The following SULT1E1 variants were observed in gnomAD, a reference collection of about 807,000 sequenced individuals.
SULT1E1 encodes sulfotransferase family 1E member 1.
SULT1E1 carries 36 observed loss-of-function variants against 33.6 expected under a neutral mutation model. That is an observed-to-expected ratio of 1.07 (90% CI 0.82 to 1.41). SULT1E1 has a LOEUF of 1.41. Among genes scored for constraint, SULT1E1 ranks in the 40% most tolerant of loss-of-function variants. The pLI, the probability that SULT1E1 is intolerant of heterozygous loss-of-function variation, is 0.00. For synonymous variants in SULT1E1, 121 were observed against 111.7 expected (o/e 1.08, Z -0.53); for missense variants, 371 against 345.7 (o/e 1.07, Z -0.58).
At chr4:69,847,590 G>T in intron 6 of SULT1E1, 108 bp downstream of exon 6, 1 of 608,720 alleles carries the variant, frequency 1.6e-6, no homozygotes, top group Non-Finnish European at 2.7e-6. Flanking sequence ...AAAAATTTAC[G>T]AGATGGCTGT....
the SULT1E1 span, among the ~76,000 whole-genome samples, chr4:69,824,807 A>G: frequency 2.6e-4 from 40 of 152,188 alleles, no homozygotes; most frequent in Admixed American, 2.6e-3. Context: ...AAATGAACCA[A>G]TGAACAGGAC....
In SULT1E1 at chr4:69,844,204, T is replaced by G; in HGVS notation, c.729A>C (p.Pro243=). 6.2e-7 allele frequency: 1 copy of G among 1,614,008 alleles called. No individual in the cohort carries two copies. Among genetic ancestry groups the G allele is most frequent in the East Asian group, 2.2e-5 (1 of 44,826 alleles). Residue 243 remains proline, a synonymous_variant, in exon 7 of 8, where the codon CCA becomes CCC. Transcript: ENST00000226444. ...ACAATTTCTGGTTCATAATTTCGTC[T>G]GGCAGTGTTGTGTAATTTGTGGATG... The part of the protein sequence containing the change: ...NNPSTNYTTL[P]DEIMNQKLSP...
chr4:69,828,013 C>T, the SULT1E1 span, among the ~76,000 whole-genome samples: 3 of 152,204 alleles, frequency 2.0e-5, no homozygotes, highest in Non-Finnish European at 1.5e-5. Flanking sequence ...GTTCTTTAGG[C>T]CAGAAGCCCC....
chr4:69,859,389 G>C (rs910643934), intron 1 of SULT1E1, among the ~76,000 whole-genome samples: 1 of 151,988 alleles, frequency 6.6e-6, no homozygotes, highest in Non-Finnish European at 1.5e-5. Context: ...GATACATAGG[G>C]TTCTCATAGT....
At chr4:69,853,284 A>G (rs1721164812) in intron 4 of SULT1E1, among the ~76,000 whole-genome samples, 1 of 152,110 alleles carries the variant, frequency 6.6e-6, no homozygotes, top group Non-Finnish European at 1.5e-5. Context: ...CATGTATAAT[A>G]TTATTTTTAA....
chr4:69,830,962 C>T, the SULT1E1 span, among the ~76,000 whole-genome samples: 1 of 152,198 alleles, frequency 6.6e-6, no homozygotes, highest in African/African-American at 2.4e-5. Flanking sequence ...CCTCTCATTT[C>T]CTGAAGAGCA....
chr4:69,822,128 G>T, the SULT1E1 span, among the ~76,000 whole-genome samples: 7,108 of 152,156 alleles, frequency 0.047, 553 homozygotes, highest in African/African-American at 0.16. Context: ...ATATCAATTA[G>T]GTTTTATGTA....
At chr4:69,849,623 G>A (rs1721059981) in intron 4 of SULT1E1, 60 bp from the exon 5 acceptor site, 1 of 1,449,972 alleles carries the variant, frequency 6.9e-7, no homozygotes, top group Non-Finnish European at 9.2e-7. Flanking sequence ...GTCTCATCAA[G>A]ATTTTTTTAA....
downstream of SULT1E1, among the ~76,000 whole-genome samples, chr4:69,837,869 TA>T (rs1720819131): frequency 6.6e-6 from 1 of 152,186 alleles, no homozygotes; most frequent in South Asian, 2.1e-4. Flanking sequence ...TTACCATTAC[TA>T]GGTGTCTTTT....
At chr4:69,852,567 A>T (rs1299984605) in intron 4 of SULT1E1, among the ~76,000 whole-genome samples, 1 of 152,138 alleles carries the variant, frequency 6.6e-6, no homozygotes, top group Non-Finnish European at 1.5e-5. Flanking sequence ...TATTTATATT[A>T]TCTACTAGCC....
At chr4:69,839,986 T>C (rs1720854604), downstream of SULT1E1, among the ~76,000 whole-genome samples, 3 of 152,336 alleles carry the variant, frequency 2.0e-5, no homozygotes, top group Middle Eastern at 6.8e-3. Flanking sequence ...TCAATTATAA[T>C]GTGGGCAACA....
intron 4 of SULT1E1, among the ~76,000 whole-genome samples, chr4:69,850,959 C>A (rs1448569810): frequency 6.6e-6 from 1 of 152,098 alleles, no homozygotes; most frequent in Non-Finnish European, 1.5e-5. Flanking sequence ...GAAGATATGA[C>A]TTGCACTGCA....
At chr4:69,843,598 A>C (rs2110065497) in intron 7 of SULT1E1, among the ~76,000 whole-genome samples, 1 of 152,264 alleles carries the variant, frequency 6.6e-6, no homozygotes, top group African/African-American at 2.4e-5. Flanking sequence ...ACATGCCTTT[A>C]AATTTGTTAA....
intron 4 of SULT1E1, among the ~76,000 whole-genome samples, chr4:69,850,507 G>A (rs1035181770): frequency 2.0e-5 from 3 of 152,010 alleles, no homozygotes; most frequent in Non-Finnish European, 2.9e-5. Flanking sequence ...TATAGCTCTC[G>A]TTTTATAGCC....
intron 4 of SULT1E1, among the ~76,000 whole-genome samples, chr4:69,853,664 G>T (rs971919580): frequency 2.6e-5 from 4 of 152,080 alleles, no homozygotes; most frequent in Non-Finnish European, 5.9e-5. Context: ...AAATGGACTA[G>T]GTGTCCATGA....
chr4:69,856,935 C>CAAAAAAAAAAAAAA, intron 2 of SULT1E1, among the ~76,000 whole-genome samples: 1 of 59,230 alleles, frequency 1.7e-5, no homozygotes, highest in Non-Finnish European at 2.7e-5. Context: ...GACTCCGTCT[C>CAAAAAAAAAAAAAA]AAAAAAAAAA....
chr4:69,830,371 C>T, the SULT1E1 span, among the ~76,000 whole-genome samples: 1 of 152,248 alleles, frequency 6.6e-6, no homozygotes, highest in African/African-American at 2.4e-5. Context: ...TGCCCTGGGC[C>T]TGCCCTATGA....
At chr4:69,839,791 A>T (rs1192208618), downstream of SULT1E1, among the ~76,000 whole-genome samples, 6 of 152,174 alleles carry the variant, frequency 3.9e-5, no homozygotes, top group African/African-American at 1.4e-4. Context: ...AAGGTGTTGA[A>T]GTTTCTACGT....
downstream of SULT1E1, among the ~76,000 whole-genome samples, chr4:69,841,030 A>G (rs545069523): frequency 1.2e-3 from 187 of 152,176 alleles, 1 homozygote; most frequent in African/African-American, 4.1e-3. Flanking sequence ...GCAGCCTGGG[A>G]GACAGAGTGA....
Sources: gnomAD v4.1 joint callset for allele counts (sites outside exome capture counted in the v4.1 genomes callset) on GRCh38, gnomAD v4.1.1 for gene constraint, MANE v1.5 for transcripts, NCBI Gene and HGNC (gene_info 2026-07-23, HGNC 2026-07-21) for gene names.